Variants in BIRC6 observed in about 807,000 individuals in gnomAD.
BIRC6 encodes the protein baculoviral IAP repeat containing 6.
A neutral mutation model predicts 503.3 loss-of-function variants in BIRC6; 98 were observed. The ratio of observed to expected loss-of-function variants is 0.19; its 90% CI spans 0.17 to 0.23. BIRC6 has a LOEUF of 0.23. Among genes scored for constraint, BIRC6 ranks in the 10% least tolerant of loss-of-function variants. The pLI is 1.00. For synonymous variants in BIRC6, 2,240 were observed against 2,078.7 expected, an observed-to-expected ratio of 1.08 and a Z score of -2.11; for missense variants, 5,360 against 5,806.0, an observed-to-expected ratio of 0.92 and a Z score of 2.50.
At position 32,442,396 on chromosome 2, in the gene BIRC6, C is replaced by A. The variant is rs773773596; in HGVS notation, c.4179C>A (p.Phe1393Leu). Residue 1393 changes from phenylalanine (F) to leucine (L), a missense_variant, in exon 19 of 74, where the codon TTC becomes TTA. Physicochemically the swap from Phe to Leu is conservative, Grantham distance 22. Transcript: ENST00000421745. ...KFLSDIVRVC[F>L]FEAGRSIAHK... ...TGTCAGACATCGTACGTGTTTGCTT[C>A]TTTGAGGCAGGACGAAGTATAGCCC... 2 of 1,611,492 alleles carry A rather than the reference C, an allele frequency of 1.2e-6. No individual in the cohort carries two copies. The highest frequency in any genetic ancestry group is 1.1e-5 in the South Asian group (1 of 90,538).
chr2:32,409,189 C>A (rs2041581390), intron 9 of BIRC6, among the ~76,000 whole-genome samples: 1 of 151,944 alleles, frequency 6.6e-6, no homozygotes, highest in Non-Finnish European at 1.5e-5. Context: ...GATGGAGTCT[C>A]ATTCTGTTGC....
chr2:32,379,383 CAATT>C (rs1379457616), intron 2 of BIRC6: 4 of 152,122 alleles, frequency 2.6e-5, no homozygotes, highest in Non-Finnish European at 5.9e-5. Context: ...GTTTAACAAA[CAATT>C]AAAGAATTAC....
At chr2:32,564,540 C>G (rs1252192002) in intron 65 of BIRC6, 2 of 152,154 alleles carry the variant, frequency 1.3e-5, no homozygotes, top group African/African-American at 4.8e-5. Context: ...AATAATCTTA[C>G]TGGGTGTGAG....
At chr2:32,405,482 A>G (rs1199602401) in intron 8 of BIRC6, among the ~76,000 whole-genome samples, 1 of 152,160 alleles carries the variant, frequency 6.6e-6, no homozygotes. Flanking sequence ...AAGCATTTTC[A>G]GTGCGGAATA....
At chr2:32,502,987 A>T in intron 48 of BIRC6, 55 bp from the exon 49 acceptor site, 1 of 1,517,038 alleles carries the variant, frequency 6.6e-7, no homozygotes, top group Non-Finnish European at 8.9e-7. Flanking sequence ...TTTACTTTTG[A>T]TGTTGAACCA....
intron 61 of BIRC6, 105 bp downstream of exon 61, chr2:32,531,656 C>T: frequency 9.7e-7 from 1 of 1,028,674 alleles, no homozygotes; most frequent in Non-Finnish European, 1.4e-6. Flanking sequence ...TAGAAATACC[C>T]TTTGCTTTAT....
rs1338174736 is a variant in BIRC6, at chr2:32,533,525, C to G, written c.12291+1974C>G. ...GAAGGTGCTAAAATTTAGATATTTG[C>G]TATCAGAAAAGCATGCTCCAAAGTA... On this transcript the variant is annotated intron_variant, in intron 61 of 73. Coordinates refer to ENST00000421745, the MANE Select transcript of BIRC6 (RefSeq NM_016252.4). Among the ~76,000 whole-genome samples the G allele has an allele frequency of 2.6e-5, 4 of 152,204 alleles. No homozygotes were observed. The East Asian group carries it at 7.7e-4, about 29-fold the overall frequency.
intron 30 of BIRC6, 51 bp downstream of exon 30, chr2:32,469,665 A>T (rs2048918117): frequency 6.9e-7 from 1 of 1,441,564 alleles, no homozygotes; most frequent in African/African-American, 1.4e-5. Context: ...TGTACTTTTC[A>T]CAGTTACTGG....
chr2:32,569,081 C>A lies in BIRC6; in HGVS notation c.13145-6075C>A, dbSNP rs180866507. Among the ~76,000 whole-genome samples, 20 of 151,404 alleles carry A rather than the reference C, an allele frequency of 1.3e-4. 1 individual carries two copies. Among genetic ancestry groups the A allele is most frequent in the Non-Finnish European group, 2.9e-4 (20 of 67,904 alleles). On this transcript the variant is annotated intron_variant, in intron 65 of 73. Transcript: ENST00000421745. ...CTGGGCTCACTGCAACCTCTGCCTC[C>A]CAGGTTCAAGTGATTCTTGTGTCTC...
intron 10 of BIRC6, among the ~76,000 whole-genome samples, chr2:32,417,013 G>T (rs532542772): frequency 4.0e-5 from 6 of 151,512 alleles, no homozygotes; most frequent in Non-Finnish European, 5.9e-5. Flanking sequence ...TTTTTTGTAT[G>T]TTTAGTAGAG....
At chr2:32,491,369 C>T (rs2051686809) in intron 43 of BIRC6, 56 bp from the exon 44 acceptor site, 2 of 1,473,696 alleles carry the variant, frequency 1.4e-6, no homozygotes, top group East Asian at 2.3e-5. Context: ...TCAGATACTG[C>T]ATTTCCATTA....
At chr2:32,405,443 A>G (rs1220031515) in intron 8 of BIRC6, among the ~76,000 whole-genome samples, 2 of 152,214 alleles carry the variant, frequency 1.3e-5, no homozygotes, top group African/African-American at 4.8e-5. Flanking sequence ...AATATTTCAA[A>G]CATTGCCTTG....
intron 62 of BIRC6, among the ~76,000 whole-genome samples, chr2:32,544,305 A>T (rs1304832782): frequency 1.3e-5 from 2 of 152,110 alleles, no homozygotes; most frequent in Non-Finnish European, 2.9e-5. Flanking sequence ...ATTAAAGAGA[A>T]CAGAATTAGG....
In BIRC6 at chr2:32,467,514, TTC is replaced by T. The variant is rs1456757567; in HGVS notation, c.5357-6_5357-5del. On this transcript the variant is annotated splice_polypyrimidine_tract_variant and intron_variant, in intron 26 of 73. Coordinates refer to ENST00000421745, the MANE Select transcript of BIRC6 (RefSeq NM_016252.4). ...ATATTTTTGGTCAACTGTTTCTTCT[TTC>T]TCTCATAGGAGCAAGAAGATTTGTG... The T allele has an allele frequency of 1.2e-6, 2 of 1,610,414 alleles. No individual in the cohort carries two copies. Among genetic ancestry groups the T allele is most frequent in the South Asian group, 1.1e-5 (1 of 90,796 alleles).
At chr2:32,483,482 G>A (rs1433658399) in intron 39 of BIRC6, among the ~76,000 whole-genome samples, 1 of 152,068 alleles carries the variant, frequency 6.6e-6, no homozygotes, top group Non-Finnish European at 1.5e-5. Flanking sequence ...TACATATCAA[G>A]AAGTATATTC....
At chr2:32,377,544 T>C (rs2149365201) in intron 1 of BIRC6, 44 bp from the exon 2 acceptor site, 1 of 1,476,364 alleles carries the variant, frequency 6.8e-7, no homozygotes, top group African/African-American at 1.4e-5. Flanking sequence ...TAATAGACCA[T>C]TGGCCTGAAA....
chr2:32,388,851 A>C lies in BIRC6; in HGVS notation c.747A>C (p.Leu249Phe). The C allele has an allele frequency of 6.2e-7, 1 of 1,613,494 alleles. No homozygotes were observed. Among genetic ancestry groups the C allele is most frequent in the Non-Finnish European group, 8.5e-7 (1 of 1,179,698 alleles). The change falls in exon 4 of 74, where the codon TTA becomes TTC. Residue 249 changes from leucine (L) to phenylalanine (F), a missense_variant. Physicochemically the swap from Leu to Phe is conservative, Grantham distance 22. This residue lies in a region of BIRC6 where 134 missense variants were observed against 150.9 expected (regional missense o/e 0.89). Coordinates refer to ENST00000421745, the MANE Select transcript of BIRC6 (RefSeq NM_016252.4). Reference sequence around the variant, plus strand: ...AAATAAATCAAAATGTTGCTGCCTTACCTGTGGCGTCCTCAGTGATGGACA... The same window carrying C: ...AAATAAATCAAAATGTTGCTGCCTTCCCTGTGGCGTCCTCAGTGATGGACA... ...LKKINQNVAA[L>F]PVASSVMDRL...
Position 32,617,849 on chromosome 2 carries a change from A to G in BIRC6, c.14519A>G (p.His4840Arg). The G allele has an allele frequency of 6.2e-7, 1 of 1,614,006 alleles. No individual in the cohort carries two copies. Among genetic ancestry groups the G allele is most frequent in the Middle Eastern group, 1.6e-4 (1 of 6,062 alleles). Residue 4840 changes from histidine to arginine, a missense_variant, in exon 74 of 74, where the codon CAT becomes CGT. Coordinates refer to ENST00000421745, the MANE Select transcript of BIRC6 (RefSeq NM_016252.4). The part of the protein sequence containing the change: ...ATTGAEETLM[H>R]DQVKPSSSKE... ...ACAGGTGCTGAGGAGACTCTAATGC[A>G]TGATCAGGTTAAACCCAGCAGCAGC...
Position 32,502,897 on chromosome 2 carries a change from A to T in BIRC6, c.9304+6A>T, listed in dbSNP as rs760000553. 1 of 1,589,210 alleles carries T rather than the reference A, an allele frequency of 6.3e-7. No individual in the cohort carries two copies. Among genetic ancestry groups the T allele is most frequent in the East Asian group, 2.2e-5 (1 of 44,698 alleles). On this transcript the variant is annotated splice_donor_region_variant and intron_variant, in intron 48 of 73. Transcript: ENST00000421745. ...GAAAGCATTTCATGATATGGGTAAG[A>T]TAATATTTCAATAACTATCATTTAA...
Sources: allele counts gnomAD v4.1 joint callset (sites outside exome capture counted in the v4.1 genomes callset), GRCh38; gene constraint gnomAD v4.1.1; regional missense constraint gnomAD v4.1.1; transcripts MANE v1.5; gene names NCBI Gene and HGNC (gene_info 2026-07-23, HGNC 2026-07-21).